Variants in LMBRD1 observed in about 807,000 individuals in gnomAD.
The protein encoded by LMBRD1 is lysosomal cobalamin transport escort protein LMBD1.
In LMBRD1, 64 loss-of-function variants were observed where a neutral mutation model predicts 74.8. That is an observed-to-expected ratio of 0.86 (90% CI 0.70 to 1.05). The LOEUF is 1.05. Among genes scored for constraint, LMBRD1 ranks in the 50% least tolerant of loss-of-function variants. The pLI is 0.00. For synonymous variants in LMBRD1, 204 were observed against 216.3 expected (o/e 0.94, Z 0.50); for missense variants, 652 against 645.9 (o/e 1.01, Z -0.10).
chr6:69,729,007 A>C (rs901454999), intron 7 of LMBRD1, among the ~76,000 whole-genome samples: 1 of 151,962 alleles, frequency 6.6e-6, no homozygotes, highest in Admixed American at 6.6e-5. Context: ...TTTTTTATGA[A>C]AGGTACAATT....
chr6:69,692,865 T>G (rs1416187265), intron 14 of LMBRD1, among the ~76,000 whole-genome samples: 1 of 152,122 alleles, frequency 6.6e-6, no homozygotes, highest in African/African-American at 2.4e-5. Flanking sequence ...TGAAGGTAAG[T>G]GCTGAACATG....
chr6:69,705,526 G>A, intron 9 of LMBRD1: 2 of 1,295,652 alleles, frequency 1.5e-6, no homozygotes, highest in South Asian at 1.2e-5. Flanking sequence ...ATTGATGATG[G>A]TTTTGAGTCT....
intron 5 of LMBRD1, among the ~76,000 whole-genome samples, chr6:69,743,875 C>T (rs955180105): frequency 1.3e-5 from 2 of 152,136 alleles, no homozygotes; most frequent in African/African-American, 4.8e-5. Context: ...GGCAGAGCAG[C>T]ACCTGACTGG....
intron 7 of LMBRD1, among the ~76,000 whole-genome samples, chr6:69,726,927 G>A (rs994546073): frequency 1.2e-4 from 19 of 152,334 alleles, no homozygotes; most frequent in African/African-American, 4.1e-4. Context: ...GCTGAGGCGA[G>A]TGGATCACTT....
At chr6:69,732,896 T>C (rs1401103647) in intron 7 of LMBRD1, among the ~76,000 whole-genome samples, 2 of 152,192 alleles carry the variant, frequency 1.3e-5, no homozygotes, top group African/African-American at 4.8e-5. Context: ...TAAGTTTTAC[T>C]TTTTTAAATT....
intron 2 of LMBRD1, among the ~76,000 whole-genome samples, chr6:69,784,146 A>G (rs574568591): frequency 6.6e-6 from 1 of 152,254 alleles, no homozygotes; most frequent in Non-Finnish European, 1.5e-5. Flanking sequence ...GGGAACCACT[A>G]TGACCTTGAT....
At chr6:69,792,198 C>T (rs1055801563) in intron 1 of LMBRD1, among the ~76,000 whole-genome samples, 2 of 152,182 alleles carry the variant, frequency 1.3e-5, no homozygotes, top group African/African-American at 4.8e-5. Flanking sequence ...GTGTACTTTT[C>T]CCTTTAATAA....
chr6:69,731,728 T>C (rs1175347668), intron 7 of LMBRD1, among the ~76,000 whole-genome samples: 1 of 152,170 alleles, frequency 6.6e-6, no homozygotes, highest in African/African-American at 2.4e-5. Flanking sequence ...TTCAGTAGTT[T>C]AGGTGTATTA....
chr6:69,789,891 A>G (rs1766040251), intron 2 of LMBRD1, among the ~76,000 whole-genome samples: 1 of 152,248 alleles, frequency 6.6e-6, no homozygotes, highest in Non-Finnish European at 1.5e-5. Flanking sequence ...TAGAACTCAG[A>G]TCTTATAATT....
intron 8 of LMBRD1, 91 bp from the exon 9 acceptor site, chr6:69,713,888 C>A: frequency 2.9e-6 from 4 of 1,384,702 alleles, no homozygotes; most frequent in Non-Finnish European, 4.1e-6. Context: ...AAAACCTTTT[C>A]AGGATGGACA....
At chr6:69,705,186 GA>G (rs1766225910) in intron 9 of LMBRD1, 8 of 527,322 alleles carry the variant, frequency 1.5e-5, no homozygotes, top group South Asian at 1.5e-4. Context: ...ACATGGTAGG[GA>G]AAGTTCCCAC....
intron 8 of LMBRD1, among the ~76,000 whole-genome samples, chr6:69,717,070 A>C (rs1455816888): frequency 6.6e-6 from 1 of 151,986 alleles, no homozygotes; most frequent in Non-Finnish European, 1.5e-5. Flanking sequence ...TTTTTAAAAA[A>C]TATATTGAGT....
intron 9 of LMBRD1, among the ~76,000 whole-genome samples, chr6:69,704,495 T>C (rs901649796): frequency 3.9e-5 from 6 of 151,948 alleles, no homozygotes; most frequent in African/African-American, 1.2e-4. Flanking sequence ...ATTTAGGCAA[T>C]AGGAGCCCCT....
rs75402207 is a variant in LMBRD1 at position 69,753,584 on chromosome 6, G to A, written c.308-1228C>T. Among the ~76,000 whole-genome samples, 1,312 of 152,278 alleles carry A rather than the reference G, an allele frequency of 8.6e-3. 11 individuals are homozygous for A. Among genetic ancestry groups the A allele is most frequent in the Admixed American group, 0.014 (217 of 15,306 alleles). On this transcript the variant is annotated intron_variant, in intron 3 of 15. Transcript: ENST00000649934. Reference sequence around the variant, plus strand: ...TATGATCCAGCAATTCTACTTCCAGGTGTATGCACACAAGAGTTGAAAACA... The same window carrying A: ...TATGATCCAGCAATTCTACTTCCAGATGTATGCACACAAGAGTTGAAAACA...
At chr6:69,681,290 C>T (rs1765655358) in intron 14 of LMBRD1, among the ~76,000 whole-genome samples, 1 of 151,906 alleles carries the variant, frequency 6.6e-6, no homozygotes, top group Admixed American at 6.6e-5. Context: ...ATTCCTTCAT[C>T]TCTTCTCACA....
intron 11 of LMBRD1, 117 bp downstream of exon 11, chr6:69,701,326 T>C (rs1169876799): frequency 4.5e-6 from 3 of 662,242 alleles, no homozygotes; most frequent in Non-Finnish European, 8.1e-6. Context: ...TATGTCAAAC[T>C]ATTCATAGGT....
chr6:69,678,451 G>A (rs1211895835), intron 14 of LMBRD1, among the ~76,000 whole-genome samples: 2 of 151,956 alleles, frequency 1.3e-5, no homozygotes, highest in South Asian at 2.1e-4. Context: ...TCTGGCATAA[G>A]TGAACCCATG....
Position 69,682,798 on chromosome 6 carries a change from A to T in LMBRD1, c.1418-6257T>A, listed in dbSNP as rs531549016. Among the ~76,000 whole-genome samples the T allele has an allele frequency of 1.4e-4, 22 of 152,126 alleles. No homozygotes were observed. In the South Asian group the frequency reaches 4.6e-3, roughly 32 times the overall value. On this transcript the variant is annotated intron_variant, in intron 14 of 15. Coordinates refer to ENST00000649934, the MANE Select transcript of LMBRD1 (RefSeq NM_018368.4). Reference sequence around the variant, plus strand: ...GAGTCTGACACTAATTTACTATGAGACCCTTGAGGTAATTCATTTAGCTTC... The same window carrying T: ...GAGTCTGACACTAATTTACTATGAGTCCCTTGAGGTAATTCATTTAGCTTC...
At chr6:69,768,488 TA>T (rs1280723312) in intron 3 of LMBRD1, among the ~76,000 whole-genome samples, 1 of 151,972 alleles carries the variant, frequency 6.6e-6, no homozygotes, top group African/African-American at 2.4e-5. Context: ...AAAATAGCTC[TA>T]ATACTTCTTT....
Sources: gnomAD v4.1 joint callset for allele counts (sites outside exome capture counted in the v4.1 genomes callset) on GRCh38, gnomAD v4.1.1 for gene constraint, MANE v1.5 for transcripts, NCBI Gene and HGNC (gene_info 2026-07-23, HGNC 2026-07-21) for gene names.